Variants in GRIA1 observed in about 807,000 individuals in gnomAD.
GRIA1 encodes the protein glutamate ionotropic receptor AMPA type subunit 1, also known as glutamate receptor 1.
Under a neutral mutation model 99.2 loss-of-function variants are expected in GRIA1, and 31 were observed. The ratio of observed to expected loss-of-function variants is 0.31; its 90% CI spans 0.23 to 0.42. GRIA1 has a LOEUF of 0.42. GRIA1 is among the 10% of genes least tolerant of loss of function. The probability of loss-of-function intolerance (pLI) is 1.00; values close to 1 mark genes in which losing one functional copy is unlikely to be tolerated. For missense variants in GRIA1, 782 were observed against 1,157.5 expected (o/e 0.68, Z 4.71); for synonymous variants, 438 against 432.4 (o/e 1.01, Z -0.16).
chr5:153,779,019 A>G (rs1039381893), intron 13 of GRIA1, among the ~76,000 whole-genome samples: 22 of 152,248 alleles, frequency 1.4e-4, no homozygotes, highest in African/African-American at 5.3e-4. Context: ...TGAAAATTCT[A>G]TATGTTTTTT....
chr5:153,721,400 A>T (rs1280778787), intron 11 of GRIA1, among the ~76,000 whole-genome samples: 1 of 152,210 alleles, frequency 6.6e-6, no homozygotes, highest in Non-Finnish European at 1.5e-5. Flanking sequence ...GACACGAATT[A>T]TAAATATACA....
intron 2 of GRIA1, among the ~76,000 whole-genome samples, chr5:153,518,127 G>A (rs1756801519): frequency 6.6e-6 from 1 of 152,180 alleles, no homozygotes; most frequent in South Asian, 2.1e-4. Flanking sequence ...CTTTCTCAGA[G>A]AGTGTTCCCT....
intron 11 of GRIA1, among the ~76,000 whole-genome samples, chr5:153,719,871 T>A (rs1267615181): frequency 6.6e-6 from 1 of 152,178 alleles, no homozygotes; most frequent in East Asian, 1.9e-4. Context: ...TCGAATGGAA[T>A]AAGGTATTTA....
chr5:153,629,344 T>C (rs560264224), intron 2 of GRIA1, among the ~76,000 whole-genome samples: 2 of 152,320 alleles, frequency 1.3e-5, no homozygotes, highest in South Asian at 4.1e-4. Context: ...TGCAGCCCAG[T>C]TGACAGCCAG....
intron 6 of GRIA1, among the ~76,000 whole-genome samples, chr5:153,675,833 T>C (rs1453403587): frequency 6.6e-6 from 1 of 151,568 alleles, no homozygotes; most frequent in African/African-American, 2.4e-5. Flanking sequence ...ACTGAGCAGA[T>C]GACAAAAATA....
At chr5:153,628,040 C>CAGCT (rs1218193688) in intron 2 of GRIA1, among the ~76,000 whole-genome samples, 1 of 152,202 alleles carries the variant, frequency 6.6e-6, no homozygotes, top group Non-Finnish European at 1.5e-5. Flanking sequence ...AACGTCTAAG[C>CAGCT]AGCTTGCTTT....
chr5:153,770,870 A>G (rs1441113538), intron 13 of GRIA1, among the ~76,000 whole-genome samples: 1 of 152,224 alleles, frequency 6.6e-6, no homozygotes, highest in African/African-American at 2.4e-5. Flanking sequence ...AAATCTTTCG[A>G]GTCCTGAGAC....
Position 153,781,028 on chromosome 5 carries a change from T to A in GRIA1, c.2270+10613T>A, listed in dbSNP as rs74594797. Among the ~76,000 whole-genome samples, 1,085 of 152,282 alleles carry A rather than the reference T, an allele frequency of 7.1e-3. 7 individuals carry two copies. Among genetic ancestry groups the A allele is most frequent in the African/African-American group, 0.024 (1,013 of 41,554 alleles). Reference sequence around the variant, plus strand: ...GAAGGAATAAGGGGTAGCCCTGAGCTGAACCCATGCTGAGAAATTCCCAGC... The same window carrying A: ...GAAGGAATAAGGGGTAGCCCTGAGCAGAACCCATGCTGAGAAATTCCCAGC... On this transcript the variant is annotated intron_variant, in intron 13 of 15. Coordinates refer to ENST00000285900, the MANE Select transcript of GRIA1 (RefSeq NM_000827.4).
intron 5 of GRIA1, among the ~76,000 whole-genome samples, chr5:153,660,853 G>T (rs1353200871): frequency 6.6e-6 from 1 of 152,152 alleles, no homozygotes; most frequent in Non-Finnish European, 1.5e-5. Context: ...CAACTACATT[G>T]ATGGAATTTT....
chr5:153,567,020 A>G (rs999663208), intron 2 of GRIA1, among the ~76,000 whole-genome samples: 4 of 152,150 alleles, frequency 2.6e-5, no homozygotes, highest in African/African-American at 9.7e-5. Context: ...CCTGGCCACA[A>G]ATATTGTCTT....
intron 2 of GRIA1, among the ~76,000 whole-genome samples, chr5:153,581,873 T>G (rs112594697): frequency 0.016 from 2,363 of 152,074 alleles, 32 homozygotes; most frequent in Middle Eastern, 0.065. Flanking sequence ...TTCTCCTGCC[T>G]CAGCCTCCCA....
rs56127811 is a variant in GRIA1 at position 153,566,716 on chromosome 5, C to CTT, written c.220+72667_220+72668dup. 4.6e-3 allele frequency among the ~76,000 whole-genome samples: 531 copies of CTT among 116,516 alleles called. 26 individuals carry two copies. The highest frequency in any genetic ancestry group is 0.012 in the East Asian group (50 of 4,022). 76.4% of individuals were successfully genotyped at this position (116,516 alleles called of 152,430 possible). ...TCAGATATACATTTGCAAATATTGT[C>CTT]TTTTTTTTTTTTTTTTTGAGACGGA... On this transcript the variant is annotated intron_variant, in intron 2 of 15. Transcript: ENST00000285900.
At chr5:153,804,714 T>C (rs1240986726) in intron 15 of GRIA1, among the ~76,000 whole-genome samples, 1 of 89,554 alleles carries the variant, frequency 1.1e-5, no homozygotes, top group Non-Finnish European at 2.2e-5. Flanking sequence ...CTGATCCTTA[T>C]TAATTAATTA....
Position 153,764,617 on chromosome 5 carries a change from T to A in GRIA1, c.2007T>A (p.Thr669=). The stretch of plus-strand genomic sequence containing the variant: ...ACGGGACGCTGGAAGCAGGATCTAC[T>A]AAGGAGTTCTTCAGGGTAGGGACAT... ...IAYGTLEAGS[T]KEFFRRSKIA... The change falls in exon 12 of 16, where the codon ACT becomes ACA. Residue 669 remains threonine, a synonymous_variant. Transcript: ENST00000285900. 6.2e-7 allele frequency: 1 copy of A among 1,612,992 alleles called. No individual in the cohort carries two copies. The highest frequency in any genetic ancestry group is 8.5e-7 in the Non-Finnish European group (1 of 1,178,984).
At chr5:153,713,709 T>A (rs1286247302) in intron 11 of GRIA1, among the ~76,000 whole-genome samples, 1 of 152,252 alleles carries the variant, frequency 6.6e-6, no homozygotes, top group Non-Finnish European at 1.5e-5. Flanking sequence ...AATTGCTGTC[T>A]CTAGATTGTT....
chr5:153,753,699 G>GGA (rs1554123789), intron 11 of GRIA1, among the ~76,000 whole-genome samples: 1 of 145,316 alleles, frequency 6.9e-6, no homozygotes, highest in Non-Finnish European at 1.5e-5. Flanking sequence ...AATTCTGCAG[G>GGA]AAAAAAAAAA....
chr5:153,802,408 T>A lies in GRIA1; in HGVS notation c.2438T>A (p.Leu813Gln). The A allele has an allele frequency of 6.2e-7, 1 of 1,613,850 alleles. No individual in the cohort carries two copies. Among genetic ancestry groups the A allele is most frequent in the Non-Finnish European group, 8.5e-7 (1 of 1,179,776 alleles). ...AATGTGGCAGGCGTGTTCTACATCC[T>A]GATCGGAGGACTTGGACTAGCCATG... ...LSNVAGVFYI[L>Q]IGGLGLAMLV... The change falls in exon 15 of 16, where the codon CTG becomes CAG. Residue 813 changes from leucine (L) to glutamine (Q), a missense_variant. By Grantham distance (113) the Leu-to-Gln change is moderately radical. Transcript: ENST00000285900.
intron 2 of GRIA1, among the ~76,000 whole-genome samples, chr5:153,502,347 C>T (rs1252557290): frequency 6.6e-6 from 1 of 152,144 alleles, no homozygotes; most frequent in Non-Finnish European, 1.5e-5. Flanking sequence ...AAGAATAAGC[C>T]TGAATCATTG....
chr5:153,794,258 T>C (rs902717960), intron 13 of GRIA1, among the ~76,000 whole-genome samples: 12 of 152,090 alleles, frequency 7.9e-5, no homozygotes, highest in Admixed American at 5.9e-4. Context: ...TGAGCACCGA[T>C]GCCCGTCTTT....
Sources: gnomAD v4.1 joint callset for allele counts (sites outside exome capture counted in the v4.1 genomes callset) on GRCh38, gnomAD v4.1.1 for gene constraint, MANE v1.5 for transcripts, NCBI Gene and HGNC (gene_info 2026-07-23, HGNC 2026-07-21) for gene names.